SLC26A11: variants seen among roughly 807,000 people sequenced by gnomAD.
SLC26A11 encodes sodium-independent sulfate anion transporter.
Under a neutral mutation model 62.2 loss-of-function variants are expected in SLC26A11, and 58 were observed. The ratio of observed to expected loss-of-function variants is 0.93; its 90% confidence interval spans 0.76 to 1.16. The LOEUF (loss-of-function observed/expected upper bound fraction) is 1.16. SLC26A11 is among the 50% of genes most tolerant of loss of function. The pLI is 0.00. For synonymous variants in SLC26A11, 411 were observed against 368.9 expected (o/e 1.11, Z -1.31); for missense variants, 790 against 794.3 (o/e 0.99, Z 0.06).
At chr17:80,227,986 A>T (rs748541404) in intron 7 of SLC26A11, 26 bp downstream of exon 7, 9 of 1,592,410 alleles carry the variant, frequency 5.7e-6, no homozygotes, top group Non-Finnish European at 7.7e-6. Flanking sequence ...CTGACATCTT[A>T]TGCAACCTTG....
rs113506065 is a variant in SLC26A11 at position 80,245,122 on chromosome 17, C to T, written c.1037-74C>T. On this transcript the variant is annotated intron_variant, in intron 10 of 17. Transcript: ENST00000361193. ...TCCTGCCTCCCTTCTGGGTTTTTGT[C>T]CCCCTCCCCATCTCCTTTCCCTCCA... is the stretch of plus-strand genomic sequence containing the variant. 17 of 1,425,230 alleles carry T rather than the reference C, an allele frequency of 1.2e-5. No homozygotes were observed. The African/African-American group carries it at 1.7e-4, about 14-fold the overall frequency. 88.3% of individuals were successfully genotyped at this position (1,425,230 alleles called of 1,614,324 possible).
At position 80,226,048 on chromosome 17, in the gene SLC26A11, G is replaced by A. The variant is rs141847515; in HGVS notation, c.593+132G>A. On this transcript the variant is annotated intron_variant, in intron 6 of 17. Coordinates refer to ENST00000361193, the MANE Select transcript of SLC26A11 (RefSeq NM_001166347.2). The stretch of plus-strand genomic sequence containing the variant: ...GGTCCCCAGAGCAGCCCCATCAGCA[G>A]CACCTGCAAGCTGGCAAGAAATGAG... The A allele has an allele frequency of 1.1e-3, 812 of 707,680 alleles. 5 individuals are homozygous for A. The highest frequency in any genetic ancestry group is 0.01 in the African/African-American group (585 of 56,234). The allele number at this position is 707,680 out of a possible 1,614,324, so 43.8% of individuals were successfully genotyped here.
At chr17:80,224,258 T>G (rs28449979) in intron 5 of SLC26A11, among the ~76,000 whole-genome samples, 1 of 147,014 alleles carries the variant, frequency 6.8e-6, no homozygotes, top group African/African-American at 2.5e-5. Flanking sequence ...AGTGTGTGAG[T>G]GTGTGCGTGT....
At chr17:80,250,908 A>T (rs2043139071) in intron 16 of SLC26A11, among the ~76,000 whole-genome samples, 1 of 151,978 alleles carries the variant, frequency 6.6e-6, no homozygotes. Context: ...TGGGAGGCCG[A>T]GGTAGGAGGA....
chr17:80,225,655 C>T (rs2042387214), intron 5 of SLC26A11, 182 bp from the exon 6 acceptor site: 2 of 610,236 alleles, frequency 3.3e-6, no homozygotes, highest in Non-Finnish European at 5.9e-6. Flanking sequence ...ATCTCCTGCC[C>T]TAGGGGGCGT....
At position 80,246,412 on chromosome 17, in the gene SLC26A11, CCT is replaced by C. The variant is rs1269879989; in HGVS notation, c.1154-96_1154-95del. 9.7e-6 allele frequency: 15 copies of C among 1,540,770 alleles called. No individual in the cohort carries two copies. Among genetic ancestry groups the C allele is most frequent in the South Asian group, 3.6e-5 (3 of 84,476 alleles). On this transcript the variant is annotated intron_variant, in intron 12 of 17. Coordinates refer to ENST00000361193, the MANE Select transcript of SLC26A11 (RefSeq NM_001166347.2). The surrounding 1 kb of genome is among the most constrained non-coding windows in gnomAD (Gnocchi z 4.4). ...TGGCAGTCGTCGCCCTACCCCCACCCCTGTCCCCAGTGGGCTCTGCTGAACAA... is the reference window on the plus strand; with the variant it reads ...TGGCAGTCGTCGCCCTACCCCCACCCGTCCCCAGTGGGCTCTGCTGAACAA...
At chr17:80,234,248 G>A (rs995206952) in intron 7 of SLC26A11, among the ~76,000 whole-genome samples, 5 of 152,144 alleles carry the variant, frequency 3.3e-5, no homozygotes, top group South Asian at 2.1e-4. Context: ...CAGGTGATCC[G>A]CCCTCCTTGG....
intron 7 of SLC26A11, among the ~76,000 whole-genome samples, chr17:80,233,146 G>A (rs1005550074): frequency 1.3e-5 from 2 of 151,986 alleles, no homozygotes; most frequent in African/African-American, 4.8e-5. Context: ...CTACTGGGGA[G>A]GCTGAGGTGG....
At chr17:80,249,045 C>T in intron 15 of SLC26A11, 109 bp from the exon 16 acceptor site, 1 of 1,345,910 alleles carries the variant, frequency 7.4e-7, no homozygotes, top group Non-Finnish European at 9.9e-7. Flanking sequence ...CGAGATGGAG[C>T]ACTCTGGCCT....
At chr17:80,224,028 G>A (rs999112914) in intron 5 of SLC26A11, among the ~76,000 whole-genome samples, 2 of 152,156 alleles carry the variant, frequency 1.3e-5, no homozygotes, top group African/African-American at 4.8e-5. Context: ...GGACCATGCG[G>A]CCCTCATGGC....
Position 80,249,142 on chromosome 17 carries a change from C to T in SLC26A11, c.1523-12C>T, listed in dbSNP as rs376569933. 1.2e-6 allele frequency: 2 copies of T among 1,602,692 alleles called. No individual in the cohort carries two copies. The highest frequency in any genetic ancestry group is 2.7e-5 in the African/African-American group (2 of 74,950). The stretch of plus-strand genomic sequence containing the variant: ...CTGGGTGGCGTGACCTGGCTCGGGC[C>T]TGTCTCCCCAGTGTCCCCGCCACGC... On this transcript the variant is annotated splice_polypyrimidine_tract_variant and intron_variant, in intron 15 of 17. Coordinates refer to ENST00000361193, the MANE Select transcript of SLC26A11 (RefSeq NM_001166347.2).
intron 7 of SLC26A11, among the ~76,000 whole-genome samples, chr17:80,229,172 G>T (rs2042494958): frequency 2.0e-5 from 3 of 152,082 alleles, no homozygotes; most frequent in Admixed American, 1.3e-4. Context: ...GCTGGATTTA[G>T]CTCTTGAGTC....
Position 80,237,545 on chromosome 17 carries a change from G to T in SLC26A11, c.936G>T (p.Val312=). 6.2e-7 allele frequency: 1 copy of T among 1,611,810 alleles called. No homozygotes were observed. The highest frequency in any genetic ancestry group is 8.5e-7 in the Non-Finnish European group (1 of 1,179,232). The change falls in exon 9 of 18, where the codon GTG becomes GTT. Residue 312 remains valine (V), a synonymous_variant. Coordinates refer to ENST00000361193, the MANE Select transcript of SLC26A11 (RefSeq NM_001166347.2). ...AGGACATGGGAGCCGGGCTGGCCGT[G>T]GTGCCCCTGATGGGCCTCCTGGAGA... is the stretch of plus-strand genomic sequence containing the variant. ...MVQDMGAGLA[V]VPLMGLLESI...
At position 80,222,099 on chromosome 17, in the gene SLC26A11, G is replaced by C. The variant is rs1194805540; in HGVS notation, c.234+305G>C. 3.0e-6 allele frequency: 1 copy of C among 335,670 alleles called. No homozygotes were observed. Among genetic ancestry groups the C allele is most frequent in the Non-Finnish European group, 5.4e-6 (1 of 185,866 alleles). The allele number at this position is 335,670 out of a possible 1,614,324, so 20.8% of individuals were successfully genotyped here. ...CCACTAAAAATACAAAAATTAGGCT[G>C]GGTGCGGTGGCTCAAGCCTGTAATC... On this transcript the variant is annotated intron_variant, in intron 3 of 17. Transcript: ENST00000361193. The surrounding 1 kb of genome is among the most constrained non-coding windows in gnomAD (Gnocchi z 4.7).
At chr17:80,239,749 A>T (rs1041080743) in intron 9 of SLC26A11, among the ~76,000 whole-genome samples, 1 of 152,136 alleles carries the variant, frequency 6.6e-6, no homozygotes, top group African/African-American at 2.4e-5. Flanking sequence ...AGTTCAAGTG[A>T]TCCTCCTGCC....
At chr17:80,242,928 C>T (rs749701226) in intron 10 of SLC26A11, among the ~76,000 whole-genome samples, 1 of 152,132 alleles carries the variant, frequency 6.6e-6, no homozygotes, top group Non-Finnish European at 1.5e-5. Context: ...AGGCTGGTCT[C>T]AAACTCCTGA....
chr17:80,224,298 C>T (rs7406739), intron 5 of SLC26A11, among the ~76,000 whole-genome samples: 27 of 83,822 alleles, frequency 3.2e-4, no homozygotes, highest in South Asian at 9.8e-4. Flanking sequence ...AGTGAGTGTG[C>T]GTGTGTGTGT....
At chr17:80,236,886 G>T (rs370937236) in intron 7 of SLC26A11, 42 bp from the exon 8 acceptor site, 2 of 1,576,922 alleles carry the variant, frequency 1.3e-6, no homozygotes, top group East Asian at 2.3e-5. Flanking sequence ...CCCCACACTC[G>T]CCGGGAGCAG....
chr17:80,243,061 C>T (rs537156718), intron 10 of SLC26A11, among the ~76,000 whole-genome samples: 1 of 152,304 alleles, frequency 6.6e-6, no homozygotes, highest in Non-Finnish European at 1.5e-5. Flanking sequence ...CCAGGCCTTC[C>T]TGCCTTTCCT....
Sources: allele counts gnomAD v4.1 joint callset (sites outside exome capture counted in the v4.1 genomes callset), GRCh38; gene constraint gnomAD v4.1.1; non-coding constraint Gnocchi (gnomAD v3.1); transcripts MANE v1.5; gene names NCBI Gene and HGNC (gene_info 2026-07-23, HGNC 2026-07-21).